LIG1: variants seen among roughly 807,000 people sequenced by gnomAD.
LIG1 encodes DNA ligase 1.
LIG1 carries 70 observed loss-of-function variants against 115.7 expected under a neutral mutation model. The ratio of observed to expected loss-of-function variants is 0.60; its 90% CI spans 0.50 to 0.74. The LOEUF (loss-of-function observed/expected upper bound fraction) is 0.74, where lower values mean the gene tolerates loss of function less well. Ranked by LOEUF, LIG1 falls within the 30% of genes least tolerant of loss-of-function variation. LIG1 has a pLI of 0.00. For synonymous variants in LIG1, 487 were observed against 495.3 expected, an observed-to-expected ratio of 0.98 and a Z score of 0.22; for missense variants, 1,115 against 1,225.6, an observed-to-expected ratio of 0.91 and a Z score of 1.35.
At chr19:48,161,567 T>C in intron 3 of LIG1, 60 bp from the exon 4 acceptor site, 7 of 1,591,690 alleles carry the variant, frequency 4.4e-6, no homozygotes, top group East Asian at 4.5e-5. Context: ...GTGGGGGCAC[T>C]GCCCGCAAAC....
At chr19:48,144,192 G>GA (rs1295017144) in intron 9 of LIG1, among the ~76,000 whole-genome samples, 2 of 152,168 alleles carry the variant, frequency 1.3e-5, no homozygotes, top group African/African-American at 4.8e-5. Flanking sequence ...AAATCTTTCA[G>GA]AAAACAAAAG....
intron 5 of LIG1, 168 bp from the exon 6 acceptor site, chr19:48,154,135 G>A: frequency 1.5e-6 from 1 of 678,838 alleles, no homozygotes; most frequent in Non-Finnish European, 2.7e-6. Flanking sequence ...AATCCCTCCT[G>A]CTTCCTGGCT....
chr19:48,128,113 C>T, intron 19 of LIG1, 93 bp from the exon 20 acceptor site: 2 of 1,005,530 alleles, frequency 2.0e-6, no homozygotes, highest in South Asian at 1.3e-5. Context: ...TTTCCTTCTG[C>T]AGCTCTCAAG....
chr19:48,125,876 T>C (rs1201328222), intron 21 of LIG1, among the ~76,000 whole-genome samples: 8 of 149,008 alleles, frequency 5.4e-5, no homozygotes, highest in Non-Finnish European at 1.0e-4. Flanking sequence ...TAATCCCAGC[T>C]ACTCGGGAGG....
chr19:48,133,372 C>T (rs1490124637), intron 17 of LIG1: 1 of 477,734 alleles, frequency 2.1e-6, no homozygotes, highest in African/African-American at 2.0e-5. Flanking sequence ...CCTCCCCTCC[C>T]TCCTCTGCGT....
chr19:48,140,969 C>G (rs1046399593), intron 11 of LIG1, among the ~76,000 whole-genome samples: 1 of 152,228 alleles, frequency 6.6e-6, no homozygotes, highest in Non-Finnish European at 1.5e-5. Context: ...GTTCCCCCGT[C>G]TAGATAAATC....
intron 12 of LIG1, among the ~76,000 whole-genome samples, chr19:48,139,426 C>G (rs2034595485): frequency 6.6e-6 from 1 of 152,186 alleles, no homozygotes; most frequent in African/African-American, 2.4e-5. Flanking sequence ...TCCAGCTCCT[C>G]TTCCCCCTGG....
chr19:48,119,529 CTTTTTTTTT>C (rs71334267), intron 24 of LIG1, among the ~76,000 whole-genome samples: 6 of 67,980 alleles, frequency 8.8e-5, no homozygotes, highest in Admixed American at 1.8e-4. Flanking sequence ...CACTTCCAGT[CTTTTTTTTT>C]TTTTTTTTTT....
At chr19:48,117,261 G>C (rs2032911178) in intron 26 of LIG1, among the ~76,000 whole-genome samples, 1 of 151,928 alleles carries the variant, frequency 6.6e-6, no homozygotes, top group Non-Finnish European at 1.5e-5. Context: ...CCAGGTTCAA[G>C]CGATTCTCCT....
At chr19:48,130,698 G>A (rs973637709) in intron 19 of LIG1, among the ~76,000 whole-genome samples, 1 of 152,224 alleles carries the variant, frequency 6.6e-6, no homozygotes, top group African/African-American at 2.4e-5. Flanking sequence ...CCAGGAAAGT[G>A]TTAACTCAAG....
At chr19:48,138,951 C>T (rs959904525) in intron 12 of LIG1, among the ~76,000 whole-genome samples, 1 of 152,272 alleles carries the variant, frequency 6.6e-6, no homozygotes, top group Admixed American at 6.5e-5. Context: ...GTAACTCTTT[C>T]CTGATCCAAG....
intron 8 of LIG1, 84 bp downstream of exon 8, chr19:48,150,004 G>A (rs1261202340): frequency 9.4e-6 from 15 of 1,603,388 alleles, no homozygotes; most frequent in Admixed American, 6.7e-5. Flanking sequence ...AAGGGTCTTC[G>A]CAGCATCTCA....
Position 48,137,863 on chromosome 19 carries a change from C to A in LIG1, c.1088-175G>T, listed in dbSNP as rs2034498237. 1.3e-6 allele frequency: 1 copy of A among 747,318 alleles called. No homozygotes were observed. The highest frequency in any genetic ancestry group is 2.3e-5 in the Admixed American group (1 of 43,142). 46.3% of individuals were successfully genotyped at this position (747,318 alleles called of 1,614,324 possible). On this transcript the variant is annotated intron_variant, in intron 12 of 27. Transcript: ENST00000263274. The surrounding 1 kb of genome is among the most constrained non-coding windows in gnomAD (Gnocchi z 4.3). ...AGAAATGGCTTGGGGAACGTGCCCC[C>A]AGCCACGCTGGCTGTAGGAAGTCAG...
rs1329339348 is a variant in LIG1, at chr19:48,150,193, C to T, written c.592G>A (p.Glu198Lys). 1 of 1,614,088 alleles carries T rather than the reference C, an allele frequency of 6.2e-7. No individual in the cohort carries two copies. The highest frequency in any genetic ancestry group is 1.3e-5 in the African/African-American group (1 of 74,938). The change falls in exon 8 of 28, where the codon GAA becomes AAA. Residue 198 changes from glutamate to lysine, a missense_variant. Transcript: ENST00000263274. ...LKTSKAETPT[E>K]SVSEPEVATK... is the part of the protein sequence containing the mutation. ...GCCACCTCAGGCTCTGAAACGCTTT[C>T]CGTCGGGGTCTCTGCTTCTGCGGTG...
chr19:48,163,664 C>G (rs1159637659), intron 2 of LIG1, among the ~76,000 whole-genome samples: 1 of 151,852 alleles, frequency 6.6e-6, no homozygotes, highest in Non-Finnish European at 1.5e-5. Flanking sequence ...AATGTTGGGG[C>G]CTGGCATGGT....
chr19:48,140,353 G>GA (rs2034663700), intron 11 of LIG1, among the ~76,000 whole-genome samples: 1 of 152,176 alleles, frequency 6.6e-6, no homozygotes, highest in Non-Finnish European at 1.5e-5. Context: ...CGTAACTGAG[G>GA]AAATTATGAC....
chr19:48,140,108 C>T lies in LIG1; in HGVS notation c.950G>A (p.Arg317His), dbSNP rs767742230. ...RMVETLSNLL[R>H]SVVALSPPDL... The stretch of plus-strand genomic sequence containing the variant: ...TGGAGGCGACAGGGCCACCACGGAG[C>T]GCAGCAAGTTGCTCAGCGTCTCCAC... Residue 317 changes from arginine (R) to histidine (H), a missense_variant, in exon 12 of 28, where the codon CGC becomes CAC. Physicochemically the swap from Arg to His is conservative, Grantham distance 29. Coordinates refer to ENST00000263274, the MANE Select transcript of LIG1 (RefSeq NM_000234.3). The T allele has an allele frequency of 5.6e-6, 9 of 1,613,682 alleles. No homozygotes were observed. The highest frequency in any genetic ancestry group is 7.6e-6 in the Non-Finnish European group (9 of 1,180,008).
intron 4 of LIG1, among the ~76,000 whole-genome samples, chr19:48,159,786 T>C (rs927589538): frequency 1.1e-4 from 17 of 152,182 alleles, no homozygotes; most frequent in African/African-American, 4.1e-4. Flanking sequence ...GGCACGATCT[T>C]GGCTCACTGC....
Position 48,137,485 on chromosome 19 carries a change from T to A in LIG1, c.1254+37A>T. The stretch of plus-strand genomic sequence containing the variant: ...CACGCGTGGCCTCAGGTCCCCAAGA[T>A]GTCTGGGGTCCGGGATGAGCGGCCC... On this transcript the variant is annotated intron_variant, in intron 13 of 27. Transcript: ENST00000263274. The surrounding 1 kb of genome is among the most constrained non-coding windows in gnomAD (Gnocchi z 4.3). The A allele has an allele frequency of 1.9e-6, 3 of 1,606,660 alleles. No individual in the cohort carries two copies. The highest frequency in any genetic ancestry group is 1.7e-6 in the Non-Finnish European group (2 of 1,179,582).
Sources: allele counts gnomAD v4.1 joint callset (sites outside exome capture counted in the v4.1 genomes callset), GRCh38; gene constraint gnomAD v4.1.1; non-coding constraint Gnocchi (gnomAD v3.1); transcripts MANE v1.5; gene names NCBI Gene and HGNC (gene_info 2026-07-23, HGNC 2026-07-21).